Variants in PITPNB observed in about 807,000 individuals in gnomAD.
PITPNB encodes the protein phosphatidylinositol transfer protein beta.
In PITPNB, 16 loss-of-function variants were observed where a neutral mutation model predicts 45.9. That is an observed-to-expected ratio of 0.35 (90% CI 0.24 to 0.53). The LOEUF is 0.53. Among genes scored for constraint, PITPNB ranks in the 20% least tolerant of loss-of-function variants. The probability of loss-of-function intolerance (pLI) is 0.93; values close to 1 mark genes in which losing one functional copy is unlikely to be tolerated. For missense variants in PITPNB, 188 were observed against 330.5 expected (o/e 0.57, Z 3.34); for synonymous variants, 112 against 108.9 (o/e 1.03, Z -0.18).
intron 8 of PITPNB, among the ~76,000 whole-genome samples, chr22:27,868,125 CA>C (rs1478667706): frequency 1.3e-5 from 2 of 152,152 alleles, no homozygotes; most frequent in African/African-American, 2.4e-5. Flanking sequence ...TGTGAGATTA[CA>C]GGGAGGGAAC....
chr22:27,857,083 A>C (rs1009179179), intron 10 of PITPNB, among the ~76,000 whole-genome samples: 2 of 152,290 alleles, frequency 1.3e-5, no homozygotes, highest in South Asian at 4.1e-4. Flanking sequence ...CACTCTTGCC[A>C]TCTCATCACC....
intron 9 of PITPNB, among the ~76,000 whole-genome samples, chr22:27,859,825 C>G (rs958624671): frequency 6.6e-6 from 1 of 152,196 alleles, no homozygotes; most frequent in African/African-American, 2.4e-5. Context: ...GATCAGAACA[C>G]CAGGTCCTCT....
intron 7 of PITPNB, among the ~76,000 whole-genome samples, chr22:27,877,647 G>A (rs1300450113): frequency 6.6e-6 from 1 of 152,194 alleles, no homozygotes. Flanking sequence ...ATGAATCTTT[G>A]AGTACAGTGG....
At chr22:27,890,986 G>A (rs899732568) in intron 7 of PITPNB, among the ~76,000 whole-genome samples, 16 of 152,316 alleles carry the variant, frequency 1.1e-4, no homozygotes, top group African/African-American at 3.6e-4. Context: ...GAGGCTGTGC[G>A]TTGCGTGATT....
At chr22:27,893,635 G>A (rs1052382118) in intron 7 of PITPNB, among the ~76,000 whole-genome samples, 6 of 144,020 alleles carry the variant, frequency 4.2e-5, no homozygotes, top group Non-Finnish European at 7.5e-5. Context: ...TGTCACCCTG[G>A]CTGGGGTGCA....
intron 10 of PITPNB, among the ~76,000 whole-genome samples, chr22:27,856,237 C>T (rs1934168169): frequency 6.6e-6 from 1 of 152,222 alleles, no homozygotes. Flanking sequence ...GGGGGTTAAT[C>T]AGTTTCAGCA....
chr22:27,895,446 C>T (rs570889461), intron 6 of PITPNB, among the ~76,000 whole-genome samples: 1 of 151,978 alleles, frequency 6.6e-6, no homozygotes, highest in South Asian at 2.1e-4. Context: ...AAAAGTTAGC[C>T]AGGCATGGTG....
intron 7 of PITPNB, among the ~76,000 whole-genome samples, chr22:27,880,613 C>T (rs575229690): frequency 2.0e-4 from 31 of 152,040 alleles, no homozygotes; most frequent in African/African-American, 7.5e-4. Flanking sequence ...ACAAAACATG[C>T]TTGTACACAC....
intron 3 of PITPNB, among the ~76,000 whole-genome samples, chr22:27,904,284 T>C (rs916442584): frequency 1.1e-4 from 17 of 152,180 alleles, no homozygotes; most frequent in African/African-American, 4.1e-4. Flanking sequence ...GCCTATACAA[T>C]GGAATATTAC....
At chr22:27,874,567 G>A (rs1258895878) in intron 7 of PITPNB, among the ~76,000 whole-genome samples, 1 of 152,090 alleles carries the variant, frequency 6.6e-6, no homozygotes, top group Non-Finnish European at 1.5e-5. Context: ...TGACAGAACG[G>A]AGGAAATGAA....
chr22:27,892,747 T>C (rs1935316145), intron 7 of PITPNB, among the ~76,000 whole-genome samples: 1 of 152,190 alleles, frequency 6.6e-6, no homozygotes, highest in Non-Finnish European at 1.5e-5. Flanking sequence ...CTATATAATG[T>C]CAAAGGTGGA....
At chr22:27,901,350 A>C (rs1036518023) in intron 3 of PITPNB, among the ~76,000 whole-genome samples, 3 of 152,160 alleles carry the variant, frequency 2.0e-5, no homozygotes, top group Non-Finnish European at 4.4e-5. Flanking sequence ...TTTTCCCTGG[A>C]AATTATTATG....
chr22:27,887,516 C>G (rs1935155381), intron 7 of PITPNB, among the ~76,000 whole-genome samples: 1 of 152,120 alleles, frequency 6.6e-6, no homozygotes, highest in Non-Finnish European at 1.5e-5. Context: ...AAGACAGACT[C>G]AGCAAATCTA....
chr22:27,855,509 T>A (rs1471901402), intron 10 of PITPNB, among the ~76,000 whole-genome samples: 3 of 152,086 alleles, frequency 2.0e-5, no homozygotes, highest in Non-Finnish European at 4.4e-5. Context: ...TTCATAACAA[T>A]AGCCTCCAGA....
At chr22:27,870,430 G>C (rs938816791) in intron 8 of PITPNB, among the ~76,000 whole-genome samples, 1 of 152,192 alleles carries the variant, frequency 6.6e-6, no homozygotes, top group Middle Eastern at 3.2e-3. Context: ...GCTTTGAATA[G>C]ACTTTGGAAT....
chr22:27,910,720 T>C, intron 3 of PITPNB: 1 of 380,376 alleles, frequency 2.6e-6, no homozygotes, highest in Non-Finnish European at 4.8e-6. Flanking sequence ...TGTTTCTCTC[T>C]GTGTTACAAA....
chr22:27,870,754 A>G (rs1329897372), intron 8 of PITPNB, among the ~76,000 whole-genome samples: 1 of 152,220 alleles, frequency 6.6e-6, no homozygotes, highest in African/African-American at 2.4e-5. Context: ...TACAGAAGAC[A>G]CTGGTAAGAT....
intron 5 of PITPNB, 103 bp from the exon 6 acceptor site, chr22:27,896,729 T>C: frequency 1.4e-6 from 1 of 719,220 alleles, no homozygotes; most frequent in Admixed American, 2.4e-5. Context: ...GCTTTGACTC[T>C]ACAAGGAGAC....
chr22:27,910,074 C>T (rs1221700323), intron 3 of PITPNB, among the ~76,000 whole-genome samples: 1 of 151,968 alleles, frequency 6.6e-6, no homozygotes, highest in Non-Finnish European at 1.5e-5. Flanking sequence ...CCTCAGCCTC[C>T]CAAGTAGCTG....
Sources: allele counts gnomAD v4.1 joint callset (sites outside exome capture counted in the v4.1 genomes callset), GRCh38; gene constraint gnomAD v4.1.1; transcripts MANE v1.5; gene names NCBI Gene and HGNC (gene_info 2026-07-23, HGNC 2026-07-21).